LRP1B: variants seen among roughly 807,000 people sequenced by gnomAD.
The protein encoded by LRP1B is low-density lipoprotein receptor-related protein 1B.
A neutral mutation model predicts 556.6 loss-of-function variants in LRP1B; 217 were observed. The observed-to-expected ratio is 0.39, with a 90% CI of 0.35 to 0.44. LRP1B has a LOEUF of 0.44. Ranked by LOEUF, LRP1B falls within the 20% of genes least tolerant of loss-of-function variation. The pLI is 1.00. For synonymous variants in LRP1B, 2,047 were observed against 1,865.8 expected (o/e 1.10, Z -2.50); for missense variants, 5,053 against 5,620.8 (o/e 0.90, Z 3.23).
At chr2:141,787,469 T>G (rs1399416435) in intron 2 of LRP1B, among the ~76,000 whole-genome samples, 1 of 151,896 alleles carries the variant, frequency 6.6e-6, no homozygotes, top group East Asian at 1.9e-4. Context: ...CATTATGCTG[T>G]GTGAAAGAAG....
At chr2:141,866,170 T>C (rs184077468) in intron 1 of LRP1B, among the ~76,000 whole-genome samples, 1 of 152,350 alleles carries the variant, frequency 6.6e-6, no homozygotes, top group Admixed American at 6.5e-5. Context: ...TGCTTACTTT[T>C]ATTTATGAAT....
At chr2:140,995,466 T>A (rs553139566) in intron 15 of LRP1B, among the ~76,000 whole-genome samples, 1 of 152,188 alleles carries the variant, frequency 6.6e-6, no homozygotes, top group East Asian at 1.9e-4. Flanking sequence ...AACAACAACA[T>A]TAACAACAAT....
intron 2 of LRP1B, among the ~76,000 whole-genome samples, chr2:141,638,135 C>T (rs371873914): frequency 1.3e-5 from 2 of 151,874 alleles, no homozygotes; most frequent in East Asian, 1.9e-4. Flanking sequence ...TGCAATGAGC[C>T]GAGGTCCACC....
intron 7 of LRP1B, among the ~76,000 whole-genome samples, chr2:141,185,082 G>T (rs555860669): frequency 6.6e-6 from 1 of 152,042 alleles, no homozygotes; most frequent in African/African-American, 2.4e-5. Flanking sequence ...TCATTGAGGC[G>T]AAATGAAGAA....
intron 1 of LRP1B, among the ~76,000 whole-genome samples, chr2:141,961,835 T>C (rs115869946): frequency 0.03 from 4,504 of 151,824 alleles, 220 homozygotes; most frequent in African/African-American, 0.1. Context: ...TGAAGGTAAG[T>C]TAACTTGGCC....
intron 11 of LRP1B, among the ~76,000 whole-genome samples, chr2:141,048,363 G>A (rs180809252): frequency 6.9e-4 from 105 of 152,008 alleles, no homozygotes; most frequent in African/African-American, 1.9e-3. Flanking sequence ...TTGTTCCTAA[G>A]CCAAATAATT....
intron 27 of LRP1B, among the ~76,000 whole-genome samples, chr2:140,863,941 A>G (rs1308360669): frequency 6.6e-6 from 1 of 151,920 alleles, no homozygotes; most frequent in Non-Finnish European, 1.5e-5. Context: ...ATCTGGTGAT[A>G]TGATGCAACA....
chr2:141,183,786 G>A (rs970413889), intron 7 of LRP1B, among the ~76,000 whole-genome samples: 2 of 151,676 alleles, frequency 1.3e-5, no homozygotes, highest in Non-Finnish European at 2.9e-5. Flanking sequence ...TTTGAACCTG[G>A]GTTTTATCAA....
intron 1 of LRP1B, among the ~76,000 whole-genome samples, chr2:141,931,582 T>C (rs1002399354): frequency 1.7e-4 from 26 of 152,070 alleles, no homozygotes; most frequent in Non-Finnish European, 7.4e-5. Flanking sequence ...TTAAAATTAC[T>C]TTAAATTTTC....
intron 1 of LRP1B, among the ~76,000 whole-genome samples, chr2:141,840,830 C>T (rs1323852636): frequency 6.6e-6 from 1 of 151,704 alleles, no homozygotes; most frequent in Non-Finnish European, 1.5e-5. Flanking sequence ...TATACCCAGT[C>T]ACTACTACAA....
At chr2:141,599,757 T>A (rs1281359210) in intron 2 of LRP1B, among the ~76,000 whole-genome samples, 4 of 139,976 alleles carry the variant, frequency 2.9e-5, no homozygotes, top group Non-Finnish European at 6.6e-5. Context: ...TAATTTTTTC[T>A]TGTTTTCTCA....
At chr2:140,879,920 C>T (rs529127558) in intron 25 of LRP1B, among the ~76,000 whole-genome samples, 1 of 147,554 alleles carries the variant, frequency 6.8e-6, no homozygotes, top group Non-Finnish European at 1.5e-5. Context: ...TCAGATCAAG[C>T]AGCAGAAGGT....
chr2:141,900,229 T>C (rs979044255), intron 1 of LRP1B, among the ~76,000 whole-genome samples: 15 of 152,036 alleles, frequency 9.9e-5, no homozygotes, highest in Admixed American at 7.2e-4. Context: ...ACAAGCCAAG[T>C]AAATAAAATT....
chr2:141,372,133 TC>T (rs753162919), intron 3 of LRP1B, among the ~76,000 whole-genome samples: 100 of 152,278 alleles, frequency 6.6e-4, no homozygotes, highest in Non-Finnish European at 1.2e-3. Context: ...ATAGTTTTTT[TC>T]ATGTGATTTT....
intron 27 of LRP1B, among the ~76,000 whole-genome samples, chr2:140,866,426 C>A (rs571953368): frequency 3.3e-5 from 5 of 151,906 alleles, no homozygotes; most frequent in Admixed American, 6.6e-5. Context: ...ATACTTTTTT[C>A]TATAATGTCC....
chr2:141,184,993 T>C (rs946639975), intron 7 of LRP1B, among the ~76,000 whole-genome samples: 7 of 152,018 alleles, frequency 4.6e-5, no homozygotes, highest in African/African-American at 1.7e-4. Context: ...AAGAAAAAGG[T>C]CATCTTTGAT....
chr2:141,221,169 A>T (rs189611297), intron 6 of LRP1B, among the ~76,000 whole-genome samples: 171 of 152,276 alleles, frequency 1.1e-3, no homozygotes, highest in African/African-American at 3.4e-3. Flanking sequence ...TCTCACATGC[A>T]AAGCCACACA....
intron 1 of LRP1B, among the ~76,000 whole-genome samples, chr2:141,877,329 G>A (rs1698801325): frequency 6.6e-6 from 1 of 151,942 alleles, no homozygotes; most frequent in African/African-American, 2.4e-5. Context: ...TTGTTGGGAA[G>A]TAGCAGTCTA....
intron 3 of LRP1B, among the ~76,000 whole-genome samples, chr2:141,419,847 T>C (rs1680072487): frequency 7.2e-6 from 1 of 139,626 alleles, no homozygotes; most frequent in Admixed American, 7.3e-5. Flanking sequence ...TTTGAGATCT[T>C]TATTTCATTT....
Sources: allele counts gnomAD v4.1 joint callset (sites outside exome capture counted in the v4.1 genomes callset), GRCh38; gene constraint gnomAD v4.1.1; transcripts MANE v1.5; gene names NCBI Gene and HGNC (gene_info 2026-07-23, HGNC 2026-07-21).